KCNMA1: variants seen among roughly 807,000 people sequenced by gnomAD.
KCNMA1 encodes Calcium-activated potassium channel subunit alpha-1.
Under a neutral mutation model 140.0 loss-of-function variants are expected in KCNMA1, and 29 were observed. The observed-to-expected ratio is 0.21, with a 90% confidence interval of 0.15 to 0.28. KCNMA1 has a LOEUF of 0.28. KCNMA1 is among the 10% of genes least tolerant of loss of function. KCNMA1 has a pLI of 1.00. For synonymous variants in KCNMA1, 612 were observed against 611.9 expected (o/e 1.00, Z 0.00); for missense variants, 880 against 1,602.2 (o/e 0.55, Z 7.70).
intron 20 of KCNMA1, among the ~76,000 whole-genome samples, chr10:76,958,489 G>A (rs1299250084): frequency 6.6e-6 from 1 of 152,154 alleles, no homozygotes; most frequent in Non-Finnish European, 1.5e-5. Flanking sequence ...GCTGAACTGT[G>A]TTCTCCCCCA....
chr10:77,459,088 C>T (rs2097807685), intron 1 of KCNMA1, among the ~76,000 whole-genome samples: 2 of 152,178 alleles, frequency 1.3e-5, no homozygotes, highest in Admixed American at 1.3e-4. Flanking sequence ...GCTGCAGGCA[C>T]TTCCAGATGT....
chr10:77,261,690 T>C (rs1465640228), intron 2 of KCNMA1, among the ~76,000 whole-genome samples: 1 of 152,186 alleles, frequency 6.6e-6, no homozygotes, highest in Non-Finnish European at 1.5e-5. Flanking sequence ...CTTACATCAT[T>C]GCATCATAAA....
intron 14 of KCNMA1, 108 bp from the exon 15 acceptor site, chr10:77,039,745 T>C (rs2094540516): frequency 2.7e-6 from 2 of 735,368 alleles, no homozygotes; most frequent in Admixed American, 2.0e-5. Flanking sequence ...GGTTAGATAA[T>C]GGTGACCTTT....
intron 1 of KCNMA1, among the ~76,000 whole-genome samples, chr10:77,513,099 C>T (rs1352108447): frequency 6.6e-6 from 1 of 152,146 alleles, no homozygotes; most frequent in Non-Finnish European, 1.5e-5. Flanking sequence ...AAAACGGCCC[C>T]TGCCAGCCTC....
rs550036853 is a variant in KCNMA1, at chr10:77,595,727, G to A, written c.378+41538C>T. Reference sequence around the variant, plus strand: ...GTTGCCCAGGCTGGAGTGCAGTGGCGCAATCTTTGCCTCCCAGGTTCAAGC... The same window carrying A: ...GTTGCCCAGGCTGGAGTGCAGTGGCACAATCTTTGCCTCCCAGGTTCAAGC... On this transcript the variant is annotated intron_variant, in intron 1 of 27. Transcript: ENST00000286628. 7.9e-5 allele frequency among the ~76,000 whole-genome samples: 12 copies of A among 152,228 alleles called. No individual in the cohort carries two copies. In the East Asian group the frequency reaches 1.9e-3, roughly 25 times the overall value.
At chr10:77,380,047 A>C (rs2154427623) in intron 2 of KCNMA1, among the ~76,000 whole-genome samples, 1 of 152,320 alleles carries the variant, frequency 6.6e-6, no homozygotes, top group Non-Finnish European at 1.5e-5. Flanking sequence ...ATCCTTCATA[A>C]ACACTAGTGT....
chr10:77,464,864 G>T (rs1264564588), intron 1 of KCNMA1, among the ~76,000 whole-genome samples: 1 of 152,198 alleles, frequency 6.6e-6, no homozygotes, highest in Non-Finnish European at 1.5e-5. Flanking sequence ...CAAGGGTTCA[G>T]ATAGAAAGTT....
intron 13 of KCNMA1, among the ~76,000 whole-genome samples, chr10:77,076,123 C>A (rs1565937179): frequency 6.6e-6 from 1 of 151,994 alleles, no homozygotes; most frequent in Admixed American, 6.6e-5. Context: ...CAAAGAAGGC[C>A]ATGAAAGAGG....
At chr10:77,460,694 A>G (rs1455100257) in intron 1 of KCNMA1, among the ~76,000 whole-genome samples, 1 of 152,226 alleles carries the variant, frequency 6.6e-6, no homozygotes, top group Non-Finnish European at 1.5e-5. Context: ...TGGGTACACT[A>G]AAAGCCCATG....
In KCNMA1 at chr10:77,267,593, C is replaced by T. The variant is rs202235107; in HGVS notation, c.541-16337G>A. Among the ~76,000 whole-genome samples the T allele has an allele frequency of 1.7e-4, 26 of 152,254 alleles. No homozygotes were observed. The East Asian group carries it at 4.1e-3, about 24-fold the overall frequency. On this transcript the variant is annotated intron_variant, in intron 2 of 27. Coordinates refer to ENST00000286628, the MANE Select transcript of KCNMA1 (RefSeq NM_001161352.2). ...CAAGGCAGGAAGATTTTTCTTGGAT[C>T]GCTGTGATGGCTGCACCCTCCAAAA...
intron 1 of KCNMA1, among the ~76,000 whole-genome samples, chr10:77,482,825 T>C (rs2098413552): frequency 1.3e-5 from 2 of 152,068 alleles, no homozygotes; most frequent in Admixed American, 1.3e-4. Flanking sequence ...TACCCCAAAA[T>C]GCCCAAATGT....
chr10:77,466,848 A>T (rs955045179), intron 1 of KCNMA1, among the ~76,000 whole-genome samples: 1 of 149,378 alleles, frequency 6.7e-6, no homozygotes, highest in African/African-American at 2.5e-5. Context: ...GAGGCAGGTT[A>T]TCACCTTTGA....
intron 3 of KCNMA1, among the ~76,000 whole-genome samples, chr10:77,243,038 T>C (rs2057694532): frequency 6.6e-6 from 1 of 152,134 alleles, no homozygotes; most frequent in Non-Finnish European, 1.5e-5. Flanking sequence ...GAGAGTTCTA[T>C]TTTTAAGCCA....
chr10:77,239,765 T>A (rs1171181806), intron 3 of KCNMA1, among the ~76,000 whole-genome samples: 1 of 152,172 alleles, frequency 6.6e-6, no homozygotes, highest in African/African-American at 2.4e-5. Flanking sequence ...CTTGGGACCA[T>A]GTCTCAGGGG....
chr10:77,308,699 C>T (rs544517121), intron 2 of KCNMA1, among the ~76,000 whole-genome samples: 139 of 152,280 alleles, frequency 9.1e-4, no homozygotes, highest in African/African-American at 3.1e-3. Context: ...GTTTCTCCAC[C>T]GCCATGCAGA....
intron 1 of KCNMA1, among the ~76,000 whole-genome samples, chr10:77,516,063 G>A (rs2050306098): frequency 6.6e-6 from 1 of 152,154 alleles, no homozygotes; most frequent in Admixed American, 6.5e-5. Context: ...GCCTATACCA[G>A]GTGCATGCGA....
chr10:77,618,970 A>G (rs541052423), intron 1 of KCNMA1, among the ~76,000 whole-genome samples: 1 of 152,312 alleles, frequency 6.6e-6, no homozygotes, highest in African/African-American at 2.4e-5. Flanking sequence ...AAAAATCAAA[A>G]GGTTTAACGA....
chr10:77,097,255 A>T (rs1458509564), intron 9 of KCNMA1, among the ~76,000 whole-genome samples: 2 of 152,174 alleles, frequency 1.3e-5, no homozygotes, highest in East Asian at 3.9e-4. Context: ...CTGCCAAAAA[A>T]TAAGACTAAT....
chr10:77,203,356 C>T (rs978660270), intron 3 of KCNMA1, among the ~76,000 whole-genome samples: 2 of 152,146 alleles, frequency 1.3e-5, no homozygotes, highest in African/African-American at 4.8e-5. Flanking sequence ...TGTTTCACAC[C>T]CATGCTATTC....
Sources: gnomAD v4.1 joint callset for allele counts (sites outside exome capture counted in the v4.1 genomes callset) on GRCh38, gnomAD v4.1.1 for gene constraint, MANE v1.5 for transcripts, NCBI Gene and HGNC (gene_info 2026-07-23, HGNC 2026-07-21) for gene names.